Variants in DNAH5 observed in about 807,000 individuals in gnomAD.
DNAH5 encodes the protein axonemal beta dynein heavy chain 5.
Under a neutral mutation model 518.2 loss-of-function variants are expected in DNAH5, and 372 were observed. That is an observed-to-expected ratio of 0.72 (90% CI 0.66 to 0.78). The LOEUF (loss-of-function observed/expected upper bound fraction) is 0.78, where lower values mean the gene tolerates loss of function less well. Among genes scored for constraint, DNAH5 ranks in the 30% least tolerant of loss-of-function variants. The probability of loss-of-function intolerance (pLI) is 0.00; values close to 1 mark genes in which losing one functional copy is unlikely to be tolerated. For synonymous variants in DNAH5, 2,039 were observed against 2,025.9 expected (o/e 1.01, Z -0.17); for missense variants, 5,523 against 5,687.0 (o/e 0.97, Z 0.93).
chr5:13,965,826 A>G (rs1212726988), intron 1 of DNAH5, among the ~76,000 whole-genome samples: 1 of 152,144 alleles, frequency 6.6e-6, no homozygotes, highest in African/African-American at 2.4e-5. Flanking sequence ...TTCAATAGGT[A>G]TTTGGAGAAC....
chr5:13,994,700 G>T (rs1581136143), intron 1 of DNAH5, among the ~76,000 whole-genome samples: 1 of 152,154 alleles, frequency 6.6e-6, no homozygotes, highest in East Asian at 1.9e-4. Context: ...CCACAAGCTG[G>T]TTGGAGATGA....
chr5:13,809,794 G>C lies in DNAH5; in HGVS notation c.7609+265C>G, dbSNP rs937533198. Among the ~76,000 whole-genome samples the C allele has an allele frequency of 1.6e-4, 25 of 152,154 alleles. 1 individual carries two copies. Among genetic ancestry groups the C allele is most frequent in the Admixed American group, 3.3e-4 (5 of 15,266 alleles). Reference sequence around the variant, plus strand: ...TTATATTGAATGAGTGACAGAAATGGATCTGATTTGGTTTTTTAAATGTTT... The same window carrying C: ...TTATATTGAATGAGTGACAGAAATGCATCTGATTTGGTTTTTTAAATGTTT... On this transcript the variant is annotated intron_variant, in intron 45 of 78. Coordinates refer to ENST00000265104, the MANE Select transcript of DNAH5 (RefSeq NM_001369.3).
At position 13,900,393 on chromosome 5, in the gene DNAH5, C is replaced by G. The variant is rs1561533986; in HGVS notation, c.2072G>C (p.Gly691Ala). 3 of 1,614,086 alleles carry G rather than the reference C, an allele frequency of 1.9e-6. No homozygotes were observed. The highest frequency in any genetic ancestry group is 2.5e-6 in the Non-Finnish European group (3 of 1,179,994). ...WLRQIEEIHV[G>A]LEASLLVKAP... ...CTTCACCAATAATGAAGCCTCAAGA[C>G]CTACATGAATTTCTTCAATCTGTGG... is the stretch of plus-strand genomic sequence containing the variant. Residue 691 changes from glycine (G) to alanine (A), a missense_variant, in exon 15 of 79, where the codon GGT (glycine) becomes GCT (alanine). By Grantham distance (60) the Gly-to-Ala change is moderately conservative (BLOSUM62 0). This residue lies in a region of DNAH5 where 5,121 missense variants were observed against 5,223.3 expected (regional missense o/e 0.98). Coordinates refer to ENST00000265104, the MANE Select transcript of DNAH5 (RefSeq NM_001369.3).
intron 50 of DNAH5, 87 bp downstream of exon 50, chr5:13,791,907 T>G (rs1757053714): frequency 1.0e-5 from 12 of 1,185,820 alleles, no homozygotes; most frequent in Non-Finnish European, 1.5e-5. Context: ...ATGTTCACAG[T>G]TCAAGTAAAA....
chr5:13,867,635 T>C (rs1427553732), intron 25 of DNAH5, 139 bp downstream of exon 25: 4 of 775,716 alleles, frequency 5.2e-6, no homozygotes, highest in African/African-American at 3.5e-5. Context: ...TGTTTTTCTC[T>C]CATGAAAATA....
rs113625511 is a variant in DNAH5, at chr5:13,850,503, G to T, written c.5114+149C>A. ...AGCAAGTCTTTGATGAGAATATAAG[G>T]CTTCAAAATATCAGTTTCATCTGTG... On this transcript the variant is annotated intron_variant, in intron 31 of 78. Coordinates refer to ENST00000265104, the MANE Select transcript of DNAH5 (RefSeq NM_001369.3). 804 of 685,974 alleles carry T rather than the reference G, an allele frequency of 1.2e-3. 7 individuals are homozygous for T. In the African/African-American group the frequency reaches 0.013, roughly 11 times the overall value. The allele number at this position is 685,974 out of a possible 1,614,324, so 42.5% of individuals were successfully genotyped here. A position where few individuals can be genotyped will look rare whatever the true frequency, so the allele number is the denominator to read the frequency against.
chr5:13,757,096 C>G (rs1402985012), intron 61 of DNAH5, among the ~76,000 whole-genome samples: 2 of 152,158 alleles, frequency 1.3e-5, no homozygotes, highest in Non-Finnish European at 2.9e-5. Context: ...TTTCTTTATC[C>G]AGTCTACCAC....
Position 13,859,436 on chromosome 5 carries a change from A to C in DNAH5, c.4950+16T>G, listed in dbSNP as rs1768070703. Reference sequence around the variant, plus strand: ...CTCTGAAAAATCTGATGAAATCATAAAGAAGATTACAAAACCTTGGGCAGC... The same window carrying C: ...CTCTGAAAAATCTGATGAAATCATACAGAAGATTACAAAACCTTGGGCAGC... On this transcript the variant is annotated intron_variant, in intron 30 of 78. Coordinates refer to ENST00000265104, the MANE Select transcript of DNAH5 (RefSeq NM_001369.3). 1.2e-6 allele frequency: 2 copies of C among 1,613,778 alleles called. No individual in the cohort carries two copies. Among genetic ancestry groups the C allele is most frequent in the South Asian group, 1.1e-5 (1 of 91,080 alleles).
intron 1 of DNAH5, among the ~76,000 whole-genome samples, chr5:14,004,290 G>C (rs1474756789): frequency 6.6e-6 from 1 of 152,180 alleles, no homozygotes; most frequent in Non-Finnish European, 1.5e-5. Flanking sequence ...AGAGCAAAGG[G>C]AGAGATCAGT....
rs762405604 is a variant in DNAH5, at chr5:13,919,341, T to A, written c.810A>T (p.Glu270Asp). Residue 270 changes from glutamate (E) to aspartate (D), a missense_variant, in exon 7 of 79, where the codon GAA (glutamate) becomes GAT (aspartate). Physicochemically the swap from Glu to Asp is conservative, Grantham distance 45. Around this residue, in one of 3 missense-constraint regions of DNAH5, gnomAD observed 5,121 missense variants for 5,223.3 expected, o/e 0.98. Transcript: ENST00000265104. The part of the protein sequence containing the change: ...WIKQTEQVLA[E>D]NNQLLKEADD... ...CCGCTTCCTTCAGCAGCTGATTGTTTTCAGCAAGAACCTGCAAATGCGCGG... is the reference window on the plus strand; with the variant it reads ...CCGCTTCCTTCAGCAGCTGATTGTTATCAGCAAGAACCTGCAAATGCGCGG... 1.9e-6 allele frequency: 3 copies of A among 1,613,992 alleles called. No homozygotes were observed. In the South Asian group the frequency reaches 3.3e-5, roughly 18 times the overall value.
intron 61 of DNAH5, among the ~76,000 whole-genome samples, chr5:13,758,408 T>A (rs1203403708): frequency 6.6e-6 from 1 of 152,072 alleles, no homozygotes; most frequent in African/African-American, 2.4e-5. Flanking sequence ...GGTGGAATGA[T>A]CACTTAACCC....
intron 1 of DNAH5, among the ~76,000 whole-genome samples, chr5:13,940,810 AC>A (rs1201935128): frequency 6.6e-6 from 1 of 152,186 alleles, no homozygotes; most frequent in African/African-American, 2.4e-5. Context: ...TTTTCTCCTT[AC>A]TAGACTTGTG....
intron 47 of DNAH5, among the ~76,000 whole-genome samples, chr5:13,807,336 C>A (rs528437033): frequency 8.5e-5 from 13 of 152,268 alleles, no homozygotes; most frequent in African/African-American, 3.1e-4. Flanking sequence ...GTATTTTCTA[C>A]ATAGATATTT....
At chr5:13,762,587 T>A in intron 60 of DNAH5, 135 bp downstream of exon 60, 1 of 762,766 alleles carries the variant, frequency 1.3e-6, no homozygotes, top group Non-Finnish European at 2.3e-6. Flanking sequence ...TTGGCCTTTC[T>A]ATGCTCACTC....
Position 13,708,152 on chromosome 5 carries a change from C to G in DNAH5, c.13309G>C (p.Asp4437His). 1 of 1,614,150 alleles carries G rather than the reference C, an allele frequency of 6.2e-7. No individual in the cohort carries two copies. The highest frequency in any genetic ancestry group is 8.5e-7 in the Non-Finnish European group (1 of 1,179,998). ...TTCCACCAAGCAGGGATTCTAGCAT[C>G]AAACATGCAATCCAATGCATCTCGC... is the stretch of plus-strand genomic sequence containing the variant. ...NLRDALDCMFDARIPAWWKKA... is the reference protein window; with the variant it reads ...NLRDALDCMFHARIPAWWKKA... Residue 4437 changes from aspartate (D) to histidine (H), a missense_variant, in exon 76 of 79, where the codon GAT becomes CAT. Physicochemically the swap from Asp to His is moderately conservative, Grantham distance 81. Transcript: ENST00000265104.
intron 70 of DNAH5, among the ~76,000 whole-genome samples, chr5:13,725,117 C>T (rs1745550316): frequency 6.6e-6 from 1 of 152,162 alleles, no homozygotes; most frequent in African/African-American, 2.4e-5. Context: ...GAAGCTTGCC[C>T]CCCACCTCCA....
intron 31 of DNAH5, among the ~76,000 whole-genome samples, chr5:13,845,922 C>A (rs1765937164): frequency 6.6e-6 from 1 of 150,978 alleles, no homozygotes; most frequent in Admixed American, 6.6e-5. Flanking sequence ...CCTCCACTTC[C>A]CGGGTTCAAG....
intron 15 of DNAH5, chr5:13,896,757 C>G (rs1476690052): frequency 6.6e-6 from 1 of 152,158 alleles, no homozygotes; most frequent in Non-Finnish European, 1.5e-5. Context: ...TACATAATGT[C>G]AAACTGTGTC....
At chr5:13,812,940 T>C (rs1389841061) in intron 43 of DNAH5, among the ~76,000 whole-genome samples, 1 of 152,224 alleles carries the variant, frequency 6.6e-6, no homozygotes, top group Non-Finnish European at 1.5e-5. Context: ...ACCATGATTC[T>C]ACCTCGACAA....
Sources: allele counts gnomAD v4.1 joint callset (sites outside exome capture counted in the v4.1 genomes callset), GRCh38; gene constraint gnomAD v4.1.1; regional missense constraint gnomAD v4.1.1; transcripts MANE v1.5; gene names NCBI Gene and HGNC (gene_info 2026-07-23, HGNC 2026-07-21).